Variants in CCNYL1 observed in about 807,000 individuals in gnomAD.
CCNYL1 encodes cyclin-Y-like protein 1.
Under a neutral mutation model 44.2 loss-of-function variants are expected in CCNYL1, and 16 were observed. That is an observed-to-expected ratio of 0.36 (90% CI 0.25 to 0.55). CCNYL1 has a LOEUF of 0.55. Among genes scored for constraint, CCNYL1 ranks in the 20% least tolerant of loss-of-function variants. The probability of loss-of-function intolerance (pLI) is 0.85; values close to 1 mark genes in which losing one functional copy is unlikely to be tolerated. For missense variants in CCNYL1, 348 were observed against 451.8 expected (o/e 0.77, Z 2.08); for synonymous variants, 159 against 163.2 (o/e 0.97, Z 0.20).
intron 5 of CCNYL1, among the ~76,000 whole-genome samples, chr2:207,739,512 G>A (rs964883408): frequency 6.6e-6 from 1 of 152,202 alleles, no homozygotes; most frequent in Non-Finnish European, 1.5e-5. Flanking sequence ...TTATAGGCAT[G>A]AGCCACCACA....
chr2:207,747,930 C>T (rs2091865655), intron 8 of CCNYL1, among the ~76,000 whole-genome samples: 1 of 152,086 alleles, frequency 6.6e-6, no homozygotes, highest in East Asian at 1.9e-4. Flanking sequence ...TTCATTCATT[C>T]ATTTATATCT....
chr2:207,736,562 C>G (rs934679856), intron 4 of CCNYL1, among the ~76,000 whole-genome samples: 12 of 152,340 alleles, frequency 7.9e-5, no homozygotes, highest in African/African-American at 2.9e-4. Context: ...CTACACCTAT[C>G]ATTGGTTTTG....
intron 9 of CCNYL1, 126 bp downstream of exon 9, chr2:207,751,245 T>C: frequency 3.9e-6 from 3 of 761,330 alleles, no homozygotes; most frequent in Non-Finnish European, 6.2e-6. Flanking sequence ...CTGAAGAGCT[T>C]ATTAGCCCTT....
At chr2:207,739,155 G>GT (rs2091789029) in intron 5 of CCNYL1, among the ~76,000 whole-genome samples, 1 of 152,152 alleles carries the variant, frequency 6.6e-6, no homozygotes. Context: ...CTGATTTTTA[G>GT]TTTGAAAGCT....
chr2:207,747,565 T>C (rs2091863139), intron 8 of CCNYL1, among the ~76,000 whole-genome samples: 1 of 152,226 alleles, frequency 6.6e-6, no homozygotes, highest in African/African-American at 2.4e-5. Flanking sequence ...ATTTTTTGTT[T>C]TGAGACGGAG....
rs1280410521 is a variant in CCNYL1, at chr2:207,755,243, G to A, written c.*1545G>A. ...AAAAATAATAAAAATAGTTGGATATGGTGGCATGTGTCTGTAGTCCCAGCC... is the reference window on the plus strand; with the variant it reads ...AAAAATAATAAAAATAGTTGGATATAGTGGCATGTGTCTGTAGTCCCAGCC... On this transcript the variant is annotated 3_prime_UTR_variant, in exon 10 of 10. Coordinates refer to ENST00000295414, the MANE Select transcript of CCNYL1 (RefSeq NM_001330218.2). The A allele has an allele frequency of 6.6e-6, 1 of 152,096 alleles. No individual in the cohort carries two copies. The highest frequency in any genetic ancestry group is 1.9e-4 in the East Asian group (1 of 5,174). The allele number at this position is 152,096 out of a possible 1,614,324, so 9.4% of individuals were successfully genotyped here. A position where few individuals can be genotyped will look rare whatever the true frequency, so the allele number is the denominator to read the frequency against.
At chr2:207,716,981 C>T (rs910417346) in intron 1 of CCNYL1, among the ~76,000 whole-genome samples, 3 of 151,846 alleles carry the variant, frequency 2.0e-5, no homozygotes, top group Non-Finnish European at 4.4e-5. Context: ...TGGTGGCGGG[C>T]GCCTGTAGTC....
chr2:207,737,313 G>A (rs577118073), intron 4 of CCNYL1, 98 bp from the exon 5 acceptor site: 68 of 867,744 alleles, frequency 7.8e-5, no homozygotes, highest in Middle Eastern at 6.4e-4. Flanking sequence ...TTTCAGGGCC[G>A]CTAGGAGGGT....
At chr2:207,725,221 C>T (rs913995053) in intron 2 of CCNYL1, among the ~76,000 whole-genome samples, 4 of 151,362 alleles carry the variant, frequency 2.6e-5, no homozygotes, top group African/African-American at 7.3e-5. Context: ...CCATCTCCCA[C>T]GTTCAAGCAA....
chr2:207,715,174 A>G (rs2091583894), intron 1 of CCNYL1, among the ~76,000 whole-genome samples: 1 of 152,078 alleles, frequency 6.6e-6, no homozygotes, highest in Admixed American at 6.6e-5. Flanking sequence ...AGGCTAAGGC[A>G]GGAGAATCAC....
chr2:207,730,152 G>GT (rs1170977615), intron 3 of CCNYL1, among the ~76,000 whole-genome samples: 4 of 152,012 alleles, frequency 2.6e-5, no homozygotes, highest in African/African-American at 2.4e-5. Flanking sequence ...TCAGTGTGTA[G>GT]TTTTTTTTCC....
rs529278297 is a variant in CCNYL1, at chr2:207,752,141, A to T, written c.969+1022A>T. Reference sequence around the variant, plus strand: ...TACTTACTGTTTGCAAATTCATGTCATGGTTTATGTATCACAGTGCAGTCC... The same window carrying T: ...TACTTACTGTTTGCAAATTCATGTCTTGGTTTATGTATCACAGTGCAGTCC... On this transcript the variant is annotated intron_variant, in intron 9 of 9. Transcript: ENST00000295414. Among the ~76,000 whole-genome samples the T allele has an allele frequency of 2.4e-4, 36 of 152,254 alleles. 1 individual carries two copies. In the South Asian group the frequency reaches 5.2e-3, roughly 22 times the overall value.
intron 3 of CCNYL1, among the ~76,000 whole-genome samples, chr2:207,731,523 T>C (rs534661684): frequency 6.6e-6 from 1 of 152,152 alleles, no homozygotes; most frequent in East Asian, 1.9e-4. Flanking sequence ...GGATTTTTTT[T>C]AAGTATTTAT....
intron 5 of CCNYL1, among the ~76,000 whole-genome samples, chr2:207,739,769 A>G (rs1191547281): frequency 6.6e-6 from 1 of 152,198 alleles, no homozygotes; most frequent in African/African-American, 2.4e-5. Context: ...TTCATGAGTG[A>G]AGCAGGTGTT....
Position 207,711,870 on chromosome 2 carries a change from G to C in CCNYL1, c.-27G>C. ...GGCGGAGTAGGGGGCGAGCGAAGGC[G>C]GTGGCAGAGAGGAGCGGAGGCTTCC... On this transcript the variant is annotated 5_prime_UTR_variant, in exon 1 of 10. Coordinates refer to ENST00000295414, the MANE Select transcript of CCNYL1 (RefSeq NM_001330218.2). The C allele has an allele frequency of 7.4e-7, 1 of 1,351,012 alleles. No homozygotes were observed. Among genetic ancestry groups the C allele is most frequent in the Non-Finnish European group, 9.6e-7 (1 of 1,043,098 alleles). The allele number at this position is 1,351,012 out of a possible 1,614,324, so 83.7% of individuals were successfully genotyped here.
Position 207,737,409 on chromosome 2 carries a change from A to G in CCNYL1, c.432-2A>G. On this transcript the variant is annotated splice_acceptor_variant, in intron 4 of 9. Coordinates refer to ENST00000295414, the MANE Select transcript of CCNYL1 (RefSeq NM_001330218.2). LOFTEE classifies it high-confidence loss of function. ...AAAAATAATTTTTTTTTCCCTTCAC[A>G]GTGTGACCTTAGCAATATATTACCA... 6.2e-7 allele frequency: 1 copy of G among 1,607,924 alleles called. No homozygotes were observed. Among genetic ancestry groups the G allele is most frequent in the South Asian group, 1.1e-5 (1 of 90,568 alleles).
intron 2 of CCNYL1, among the ~76,000 whole-genome samples, chr2:207,725,986 G>A (rs565917558): frequency 2.0e-5 from 3 of 152,274 alleles, no homozygotes; most frequent in Non-Finnish European, 2.9e-5. Context: ...TTCGAAGCTC[G>A]TGTGGACTTT....
chr2:207,742,081 G>A (rs1418856462), intron 6 of CCNYL1, 142 bp from the exon 7 acceptor site: 14 of 671,254 alleles, frequency 2.1e-5, no homozygotes, highest in Non-Finnish European at 7.1e-6. Context: ...AACCCGGGGG[G>A]TAGAGGTTGC....
At chr2:207,751,944 A>C (rs2091895220) in intron 9 of CCNYL1, among the ~76,000 whole-genome samples, 1 of 151,482 alleles carries the variant, frequency 6.6e-6, no homozygotes, top group African/African-American at 2.4e-5. Context: ...CTGAGGCATG[A>C]GCATCGCTTG....
Sources: allele counts gnomAD v4.1 joint callset (sites outside exome capture counted in the v4.1 genomes callset), GRCh38; gene constraint gnomAD v4.1.1; transcripts MANE v1.5; gene names NCBI Gene and HGNC (gene_info 2026-07-23, HGNC 2026-07-21).